Variants in MYBL1 observed in about 807,000 individuals in gnomAD.
The protein encoded by MYBL1 is myb-related protein A.
Under a neutral mutation model 96.3 loss-of-function variants are expected in MYBL1, and 17 were observed. The ratio of observed to expected loss-of-function variants is 0.18; its 90% confidence interval spans 0.12 to 0.26. MYBL1 has a LOEUF of 0.26. Ranked by LOEUF, MYBL1 falls within the 10% of genes least tolerant of loss-of-function variation. The pLI, the probability that MYBL1 is intolerant of heterozygous loss-of-function variation, is 1.00. For synonymous variants in MYBL1, 282 were observed against 292.7 expected (o/e 0.96, Z 0.37); for missense variants, 701 against 882.9 (o/e 0.79, Z 2.61).
At chr8:66,585,336 C>T (rs547457430) in intron 8 of MYBL1, among the ~76,000 whole-genome samples, 13 of 152,178 alleles carry the variant, frequency 8.5e-5, no homozygotes, top group African/African-American at 2.9e-4. Context: ...ATGAAACTAG[C>T]TCCCTATCTC....
chr8:66,590,899 G>C (rs1405362208), intron 8 of MYBL1, among the ~76,000 whole-genome samples: 2 of 152,184 alleles, frequency 1.3e-5, no homozygotes, highest in Admixed American at 6.6e-5. Context: ...GTTTCAAATA[G>C]TTAGAAGCAG....
At chr8:66,579,467 G>A (rs1358321783) in intron 9 of MYBL1, among the ~76,000 whole-genome samples, 1 of 151,980 alleles carries the variant, frequency 6.6e-6, no homozygotes, top group East Asian at 1.9e-4. Flanking sequence ...GACCAGCCTG[G>A]CCAACATGAT....
chr8:66,576,206 C>T lies in MYBL1; in HGVS notation c.1271G>A (p.Gly424Asp), dbSNP rs1376555348. 8.7e-6 allele frequency: 14 copies of T among 1,613,938 alleles called. No homozygotes were observed. The South Asian group carries it at 1.4e-4, about 16-fold the overall frequency. The change falls in exon 10 of 16, where the codon GGT (glycine) becomes GAT (aspartate). Residue 424 changes from glycine (G) to aspartate (D), a missense_variant. By Grantham distance (94) the Gly-to-Asp change is moderately conservative (BLOSUM62 -1). Coordinates refer to ENST00000522677, the MANE Select transcript of MYBL1 (RefSeq NM_001080416.4). The stretch of plus-strand genomic sequence containing the variant: ...TAAAGGAACAGCTTCACTGTTGCCA[C>T]CATTACAAGTGTTTTTTTTCCCTTC... ...VLEGKKNTCN[G>D]GNSEAVPLTS...
At chr8:66,601,323 T>C (rs778339729) in intron 3 of MYBL1, among the ~76,000 whole-genome samples, 11 of 151,890 alleles carry the variant, frequency 7.2e-5, no homozygotes, top group Non-Finnish European at 1.6e-4. Flanking sequence ...AAGGTAAGCC[T>C]CAGATGATAA....
chr8:66,594,276 G>A (rs935028168), intron 6 of MYBL1, among the ~76,000 whole-genome samples: 4 of 151,966 alleles, frequency 2.6e-5, no homozygotes, highest in African/African-American at 4.8e-5. Context: ...TAGAATACTC[G>A]ATTAGTACCA....
At chr8:66,592,307 T>TAA (rs60477286) in intron 8 of MYBL1, 133 bp downstream of exon 8, 26 of 635,306 alleles carry the variant, frequency 4.1e-5, no homozygotes, top group Non-Finnish European at 6.0e-5. Flanking sequence ...AGTTGCAAAT[T>TAA]AAAAAAAAAC....
intron 6 of MYBL1, 95 bp from the exon 7 acceptor site, chr8:66,593,289 A>G (rs1809723927): frequency 1.1e-5 from 8 of 718,280 alleles, no homozygotes; most frequent in South Asian, 1.0e-4. Context: ...CAGTATCAAT[A>G]TAAAAAACTT....
At chr8:66,591,610 T>G (rs1256794060) in intron 8 of MYBL1, among the ~76,000 whole-genome samples, 2 of 152,050 alleles carry the variant, frequency 1.3e-5, no homozygotes, top group Admixed American at 6.5e-5. Context: ...TAAATGTTCC[T>G]TTTTCCATAT....
At chr8:66,605,764 C>T (rs562668522) in intron 1 of MYBL1, among the ~76,000 whole-genome samples, 388 of 152,140 alleles carry the variant, frequency 2.6e-3, no homozygotes, top group Non-Finnish European at 4.3e-3. Flanking sequence ...TACAGTGAGC[C>T]GAGATTGCAC....
chr8:66,596,330 GA>G (rs1809848099), intron 5 of MYBL1, among the ~76,000 whole-genome samples: 1 of 152,108 alleles, frequency 6.6e-6, no homozygotes, highest in Admixed American at 6.6e-5. Context: ...TTTATGGTAA[GA>G]AAGAGTTAAT....
At position 66,613,004 on chromosome 8, in the gene MYBL1, CG is replaced by C; in HGVS notation, c.-167del. ...TCGACAGGGCAGGACGGAGGGACAG[CG>C]GGGGCGGACCGCGACCCGACCCCGA... On this transcript the variant is annotated 5_prime_UTR_variant, in exon 1 of 16. Transcript: ENST00000522677. 1.3e-6 allele frequency: 1 copy of C among 780,494 alleles called. No individual in the cohort carries two copies. The highest frequency in any genetic ancestry group is 1.8e-6 in the Non-Finnish European group (1 of 565,664). 48.3% of individuals were successfully genotyped at this position (780,494 alleles called of 1,614,324 possible). A position where few individuals can be genotyped will look rare whatever the true frequency, so the allele number is the denominator to read the frequency against.
chr8:66,608,240 A>G (rs540246951), intron 1 of MYBL1, among the ~76,000 whole-genome samples: 2 of 152,276 alleles, frequency 1.3e-5, no homozygotes, highest in East Asian at 3.9e-4. Flanking sequence ...CTATTTCTAC[A>G]TGAGGTTTCA....
chr8:66,603,075 CAT>C (rs1023587888), intron 1 of MYBL1, among the ~76,000 whole-genome samples: 5 of 152,130 alleles, frequency 3.3e-5, no homozygotes, highest in South Asian at 2.1e-4. Flanking sequence ...ACACCAAACA[CAT>C]GAGGTTGGAT....
At chr8:66,593,913 G>A (rs1809750181) in intron 6 of MYBL1, among the ~76,000 whole-genome samples, 1 of 152,002 alleles carries the variant, frequency 6.6e-6, no homozygotes, top group African/African-American at 2.4e-5. Flanking sequence ...AGGGGGTATG[G>A]TCGCTTGAGC....
intron 8 of MYBL1, among the ~76,000 whole-genome samples, chr8:66,588,654 A>G (rs1809515129): frequency 1.3e-5 from 2 of 152,132 alleles, no homozygotes; most frequent in African/African-American, 2.4e-5. Context: ...CATACATATA[A>G]AACATTCACA....
At chr8:66,612,083 A>C (rs1334100056) in intron 1 of MYBL1, 1 of 152,204 alleles carries the variant, frequency 6.6e-6, no homozygotes, top group Non-Finnish European at 1.5e-5. Flanking sequence ...AGGTGGAAAA[A>C]AGTGCCTTAC....
chr8:66,584,851 A>C (rs1035007287), intron 8 of MYBL1, among the ~76,000 whole-genome samples: 2 of 152,164 alleles, frequency 1.3e-5, no homozygotes, highest in African/African-American at 4.8e-5. Context: ...AGATTTCTAC[A>C]AGAAAAACTA....
chr8:66,593,148 T>C lies in MYBL1; in HGVS notation c.734A>G (p.His245Arg), dbSNP rs1284283152. 1.3e-6 allele frequency: 2 copies of C among 1,588,424 alleles called. No homozygotes were observed. The highest frequency in any genetic ancestry group is 1.7e-5 in the Admixed American group (1 of 57,574). Residue 245 changes from histidine to arginine, a missense_variant, in exon 7 of 16, where the codon CAT becomes CGT. Transcript: ENST00000522677. ...AATAAAGGCAGAAGTAGGCTGAACA[T>C]GTTCTATACAATTGCCTTCAGGTGA... The part of the protein sequence containing the change: ...YVSPEGNCIE[H>R]VQPTSAFIQQ...
At chr8:66,584,385 G>C (rs1253404487) in intron 8 of MYBL1, among the ~76,000 whole-genome samples, 1 of 152,106 alleles carries the variant, frequency 6.6e-6, no homozygotes, top group Non-Finnish European at 1.5e-5. Flanking sequence ...AATTAGGCAA[G>C]AGAAAAAGAA....
Sources: gnomAD v4.1 joint callset for allele counts (sites outside exome capture counted in the v4.1 genomes callset) on GRCh38, gnomAD v4.1.1 for gene constraint, MANE v1.5 for transcripts, NCBI Gene and HGNC (gene_info 2026-07-23, HGNC 2026-07-21) for gene names.